ARHGEF12: variants seen among roughly 807,000 people sequenced by gnomAD.
ARHGEF12 encodes KMT2A/ARHGEF12 fusion protein.
ARHGEF12 carries 66 observed loss-of-function variants against 211.2 expected under a neutral mutation model. That is an observed-to-expected ratio of 0.31 (90% CI 0.26 to 0.38). The LOEUF (loss-of-function observed/expected upper bound fraction) is 0.38, where lower values mean the gene tolerates loss of function less well. Among genes scored for constraint, ARHGEF12 ranks in the 10% least tolerant of loss-of-function variants. The pLI is 1.00. For missense variants in ARHGEF12, 1,429 were observed against 1,869.5 expected, an observed-to-expected ratio of 0.76 and a Z score of 4.34; for synonymous variants, 592 against 638.4, an observed-to-expected ratio of 0.93 and a Z score of 1.09.
At chr11:120,469,456 CTG>C in intron 30 of ARHGEF12, 68 bp downstream of exon 30, 1 of 1,285,326 alleles carries the variant, frequency 7.8e-7, no homozygotes, top group Non-Finnish European at 1.1e-6. Context: ...TACCTGGAAT[CTG>C]TGAAATAGTT....
intron 27 of ARHGEF12, chr11:120,465,023 G>A (rs200134332): frequency 9.7e-6 from 5 of 514,642 alleles, no homozygotes; most frequent in Non-Finnish European, 1.7e-5. Context: ...AAAAAAAAAA[G>A]AAGAAGAAAA....
chr11:120,476,817 A>T, intron 34 of ARHGEF12, 69 bp downstream of exon 34: 1 of 1,281,262 alleles, frequency 7.8e-7, no homozygotes, highest in Non-Finnish European at 1.1e-6. Context: ...TATTCCATAA[A>T]CTTAACTTTG....
rs1290564135 is a variant in ARHGEF12 at position 120,347,576 on chromosome 11, G to T, written c.32+10301G>T. 2.6e-5 allele frequency among the ~76,000 whole-genome samples: 4 copies of T among 152,244 alleles called. No individual in the cohort carries two copies. In the East Asian group the frequency reaches 7.7e-4, roughly 29 times the overall value. On this transcript the variant is annotated intron_variant, in intron 1 of 40. Transcript: ENST00000397843. ...ATATCTTTAAGATGATCTCTAAGAT[G>T]ATATAAAAGTAAAGAAATTCATCTA...
At chr11:120,362,956 C>T (rs1943318378) in intron 1 of ARHGEF12, among the ~76,000 whole-genome samples, 1 of 152,010 alleles carries the variant, frequency 6.6e-6, no homozygotes, top group Non-Finnish European at 1.5e-5. Context: ...AAAAATTAGC[C>T]GGGCGTGGTG....
intron 1 of ARHGEF12, among the ~76,000 whole-genome samples, chr11:120,385,867 AT>A (rs1944015592): frequency 6.6e-6 from 1 of 152,138 alleles, no homozygotes; most frequent in South Asian, 2.1e-4. Flanking sequence ...TTGACGTATT[AT>A]TCTGTGAATT....
At chr11:120,370,178 T>C (rs1943550870) in intron 1 of ARHGEF12, among the ~76,000 whole-genome samples, 2 of 152,190 alleles carry the variant, frequency 1.3e-5, no homozygotes, top group Non-Finnish European at 2.9e-5. Flanking sequence ...GAATATGATA[T>C]GAGGTAGGGA....
chr11:120,410,110 G>A (rs529472003), intron 4 of ARHGEF12: 1 of 152,258 alleles, frequency 6.6e-6, no homozygotes, highest in African/African-American at 2.4e-5. Flanking sequence ...CAAAGAGCAA[G>A]TTTAACCTGA....
rs529082370 is a variant in ARHGEF12, at chr11:120,371,702, G to A, written c.33-34416G>A. On this transcript the variant is annotated intron_variant, in intron 1 of 40. Coordinates refer to ENST00000397843, the MANE Select transcript of ARHGEF12 (RefSeq NM_015313.3). ...CAGTGCAAATATGATAATTATGAGG[G>A]CTAATACAGCCATTGTAATTAAGCC... 2.4e-4 allele frequency among the ~76,000 whole-genome samples: 36 copies of A among 152,192 alleles called. No homozygotes were observed. The East Asian group carries it at 5.4e-3, about 23-fold the overall frequency.
At chr11:120,413,920 T>G (rs191161158) in intron 4 of ARHGEF12, among the ~76,000 whole-genome samples, 1 of 152,354 alleles carries the variant, frequency 6.6e-6, no homozygotes, top group East Asian at 1.9e-4. Context: ...ACACTCCATT[T>G]TCATTAATAT....
At chr11:120,462,955 T>C (rs1365866537) in intron 27 of ARHGEF12, 3 of 152,356 alleles carry the variant, frequency 2.0e-5, no homozygotes, top group East Asian at 1.9e-4. Context: ...CTCTTGATGC[T>C]GGGCAGCAAC....
At position 120,488,719 on chromosome 11, in the gene ARHGEF12, A is replaced by G. The variant is rs530648947; in HGVS notation, c.*3642A>G. The G allele has an allele frequency of 4.6e-6, 1 of 218,410 alleles. No individual in the cohort carries two copies. Among genetic ancestry groups the G allele is most frequent in the Admixed American group, 5.8e-5 (1 of 17,308 alleles). The allele number at this position is 218,410 out of a possible 1,614,324, so 13.5% of individuals were successfully genotyped here. On this transcript the variant is annotated 3_prime_UTR_variant, in exon 41 of 41. Coordinates refer to ENST00000397843, the MANE Select transcript of ARHGEF12 (RefSeq NM_015313.3). Reference sequence around the variant, plus strand: ...TTTTAATAAGCCTCTTCCTACTAGAACATTTTATTTTCCTTGTTCACCATA... The same window carrying G: ...TTTTAATAAGCCTCTTCCTACTAGAGCATTTTATTTTCCTTGTTCACCATA...
chr11:120,467,713 G>A (rs1018368545), intron 29 of ARHGEF12, among the ~76,000 whole-genome samples: 1 of 150,930 alleles, frequency 6.6e-6, no homozygotes, highest in Non-Finnish European at 1.5e-5. Context: ...GTGATTATAG[G>A]CATGAGTCAC....
chr11:120,339,894 C>G (rs923349732), intron 1 of ARHGEF12, among the ~76,000 whole-genome samples: 1 of 152,288 alleles, frequency 6.6e-6, no homozygotes, highest in East Asian at 1.9e-4. Context: ...AACTTGCTCT[C>G]TTCTCTTTCC....
At position 120,347,270 on chromosome 11, in the gene ARHGEF12, C is replaced by CTCTG. The variant is rs1225946177; in HGVS notation, c.32+9996_32+9997insCTGT. Among the ~76,000 whole-genome samples the CTCTG allele has an allele frequency of 9.8e-4, 78 of 79,880 alleles. 3 individuals are homozygous for CTCTG. The highest frequency in any genetic ancestry group is 3.5e-3 in the African/African-American group (77 of 21,806). 52.4% of individuals were successfully genotyped at this position (79,880 alleles called of 152,430 possible). ...TTTCTCTCTCTCTCTCTCTCTCTGT[C>CTCTG]TGTGTGTGTGTGTGTGTGTGTGTGT... On this transcript the variant is annotated intron_variant, in intron 1 of 40. Transcript: ENST00000397843.
intron 1 of ARHGEF12, chr11:120,385,248 G>A (rs1395670443): frequency 2.1e-6 from 2 of 968,748 alleles, no homozygotes; most frequent in Admixed American, 6.2e-5. Flanking sequence ...GTTGGGCTTC[G>A]AATGATGATG....
chr11:120,460,707 A>G lies in ARHGEF12; in HGVS notation c.2563A>G (p.Arg855Gly), dbSNP rs199765525. The G allele has an allele frequency of 6.6e-5, 107 of 1,613,820 alleles. No homozygotes were observed. Among genetic ancestry groups the G allele is most frequent in the Admixed American group, 3.5e-4 (21 of 60,004 alleles). ...LNEQMKAVRKRNETSVIDQIG... is the reference protein window; with the variant it reads ...LNEQMKAVRKGNETSVIDQIG... Reference sequence around the variant, plus strand: ...TGAACAAATGAAGGCTGTTCGAAAGAGAAATGAGACCTCTGTTATCGATCA... The same window carrying G: ...TGAACAAATGAAGGCTGTTCGAAAGGGAAATGAGACCTCTGTTATCGATCA... The change falls in exon 27 of 41, where the codon AGA (arginine) becomes GGA (glycine). Residue 855 changes from arginine to glycine, a missense_variant. Arg to Gly is a moderately radical substitution (Grantham distance 125). Coordinates refer to ENST00000397843, the MANE Select transcript of ARHGEF12 (RefSeq NM_015313.3).
intron 21 of ARHGEF12, 144 bp from the exon 22 acceptor site, chr11:120,451,368 G>A (rs548439761): frequency 1.1e-5 from 7 of 645,354 alleles, no homozygotes; most frequent in African/African-American, 5.5e-5. Context: ...TAATAGAGAC[G>A]GGGTTTCACC....
At chr11:120,477,875 G>GAAAAAAAAAAAAAAAAA (rs1261373538) in intron 36 of ARHGEF12, among the ~76,000 whole-genome samples, 4 of 141,528 alleles carry the variant, frequency 2.8e-5, no homozygotes, top group East Asian at 2.0e-4. Flanking sequence ...AAAAAAAAAA[G>GAAAAAAAAAAAAAAAAA]AAAAAAAGAA....
chr11:120,483,095 TA>T (rs1947297169), intron 39 of ARHGEF12, among the ~76,000 whole-genome samples: 1 of 152,130 alleles, frequency 6.6e-6, no homozygotes, highest in African/African-American at 2.4e-5. Context: ...AGAGTGTACT[TA>T]CACAAACCTA....
Sources: allele counts gnomAD v4.1 joint callset (sites outside exome capture counted in the v4.1 genomes callset), GRCh38; gene constraint gnomAD v4.1.1; transcripts MANE v1.5; gene names NCBI Gene and HGNC (gene_info 2026-07-23, HGNC 2026-07-21).